Variants in RASA1 observed in about 807,000 individuals in gnomAD.
RASA1 encodes the protein RAS p21 protein activator 1.
In RASA1, 25 loss-of-function variants were observed where a neutral mutation model predicts 132.2. The observed-to-expected ratio is 0.19, with a 90% CI of 0.14 to 0.26. RASA1 has a LOEUF of 0.26. Ranked by LOEUF, RASA1 falls within the 10% of genes least tolerant of loss-of-function variation. The pLI is 1.00. For synonymous variants in RASA1, 477 were observed against 449.9 expected, an observed-to-expected ratio of 1.06 and a Z score of -0.76; for missense variants, 964 against 1,299.2, an observed-to-expected ratio of 0.74 and a Z score of 3.97.
chr5:87,338,501 T>TTATATATA (rs3069490), intron 5 of RASA1, among the ~76,000 whole-genome samples: 22 of 75,666 alleles, frequency 2.9e-4, no homozygotes, highest in African/African-American at 1.0e-3. Flanking sequence ...CCAGCTAATT[T>TTATATATA]TATATATATA....
intron 7 of RASA1, among the ~76,000 whole-genome samples, chr5:87,348,410 T>C (rs16902631): frequency 6.6e-6 from 1 of 151,968 alleles, no homozygotes; most frequent in African/African-American, 2.4e-5. Context: ...AGAGCATCTA[T>C]GTATTATGAG....
intron 9 of RASA1, among the ~76,000 whole-genome samples, chr5:87,361,029 TACAC>T (rs1458951230): frequency 2.6e-5 from 4 of 152,080 alleles, no homozygotes; most frequent in Admixed American, 2.0e-4. Context: ...CACACACACA[TACAC>T]ACACACCCAG....
rs554563870 is a variant in RASA1, at chr5:87,324,683, T to TAA, written c.540-6664_540-6663insAA. On this transcript the variant is annotated intron_variant, in intron 1 of 24. Coordinates refer to ENST00000274376, the MANE Select transcript of RASA1 (RefSeq NM_002890.3). The stretch of plus-strand genomic sequence containing the variant: ...CACACACATACATATGCACTCTAGT[T>TAA]ATCTGGTTATATACAAATATACCCA... 5.8e-3 allele frequency among the ~76,000 whole-genome samples: 889 copies of TAA among 152,308 alleles called. 7 individuals are homozygous for TAA. The highest frequency in any genetic ancestry group is 7.7e-3 in the South Asian group (37 of 4,834).
In RASA1 at chr5:87,325,204, C is replaced by G. The variant is rs145577516; in HGVS notation, c.540-6144C>G. ...AGCCCCTTATAAAACCATTAGATCT[C>G]GTGAGAACTCACTATCACAATAACA... is the stretch of plus-strand genomic sequence containing the variant. On this transcript the variant is annotated intron_variant, in intron 1 of 24. Coordinates refer to ENST00000274376, the MANE Select transcript of RASA1 (RefSeq NM_002890.3). Among the ~76,000 whole-genome samples the G allele has an allele frequency of 7.6e-3, 1,150 of 152,200 alleles. 18 individuals carry two copies. The highest frequency in any genetic ancestry group is 0.027 in the African/African-American group (1,112 of 41,538).
intron 13 of RASA1, 141 bp downstream of exon 13, chr5:87,372,336 G>C: frequency 1.4e-6 from 1 of 728,314 alleles, no homozygotes; most frequent in Admixed American, 2.3e-5. Context: ...GCAGGAAAAC[G>C]TTACTTCTTT....
chr5:87,287,457 CAT>C (rs1267813364), intron 1 of RASA1, among the ~76,000 whole-genome samples: 2 of 134,008 alleles, frequency 1.5e-5, no homozygotes, highest in Admixed American at 7.6e-5. Flanking sequence ...ATATATATAC[CAT>C]ATATATACAC....
chr5:87,269,733 A>G (rs1171207998), intron 1 of RASA1, among the ~76,000 whole-genome samples: 3 of 152,220 alleles, frequency 2.0e-5, no homozygotes, highest in African/African-American at 7.2e-5. Context: ...GGTGGCCAGT[A>G]TAGTATTCTA....
intron 2 of RASA1, 148 bp from the exon 3 acceptor site, chr5:87,332,359 A>C: frequency 1.3e-6 from 1 of 751,968 alleles, no homozygotes; most frequent in East Asian, 2.8e-5. Flanking sequence ...ACTGTGATGA[A>C]GATACTAATA....
intron 11 of RASA1, among the ~76,000 whole-genome samples, chr5:87,368,799 T>G (rs1054387206): frequency 1.3e-5 from 2 of 152,190 alleles, no homozygotes; most frequent in Non-Finnish European, 2.9e-5. Context: ...GGAAAAGATG[T>G]GGAGAATGTC....
intron 1 of RASA1, among the ~76,000 whole-genome samples, chr5:87,309,161 G>T (rs1755754436): frequency 6.6e-6 from 1 of 152,082 alleles, no homozygotes; most frequent in South Asian, 2.1e-4. Context: ...GACATTTTTA[G>T]AACCTGTCTT....
chr5:87,285,618 C>CTTTTTTTTTTT (rs548410947), intron 1 of RASA1, among the ~76,000 whole-genome samples: 1 of 126,072 alleles, frequency 7.9e-6, no homozygotes, highest in Non-Finnish European at 1.7e-5. Flanking sequence ...TTTTCTTTTT[C>CTTTTTTTTTTT]TTTTTTTTTT....
In RASA1 at chr5:87,391,498, C is replaced by CTCA. The variant is rs1762512520; in HGVS notation, c.*619_*621dup. 1 of 237,960 alleles carries CTCA rather than the reference C, an allele frequency of 4.2e-6. No homozygotes were observed. Among genetic ancestry groups the CTCA allele is most frequent in the Non-Finnish European group, 8.3e-6 (1 of 120,348 alleles). The allele number at this position is 237,960 out of a possible 1,614,324, so 14.7% of individuals were successfully genotyped here. On this transcript the variant is annotated 3_prime_UTR_variant, in exon 25 of 25. Transcript: ENST00000274376. Reference sequence around the variant, plus strand: ...AGAAAATATATAGAATGATCTATTGCTCATCAGCTTTATTTTTTAAACATA... The same window carrying CTCA: ...AGAAAATATATAGAATGATCTATTGCTCATCATCAGCTTTATTTTTTAAACATA...
intron 4 of RASA1, among the ~76,000 whole-genome samples, chr5:87,335,431 T>G (rs894902379): frequency 4.2e-5 from 6 of 143,832 alleles, no homozygotes; most frequent in Admixed American, 6.9e-5. Context: ...TTTTTTTTTT[T>G]TTTTTTTTTT....
intron 1 of RASA1, among the ~76,000 whole-genome samples, chr5:87,299,445 T>A (rs1242743324): frequency 6.6e-6 from 1 of 152,214 alleles, no homozygotes. Flanking sequence ...CCATTTCTAA[T>A]TCACAGTGAT....
At chr5:87,277,115 TATAGTG>T (rs1754098862) in intron 1 of RASA1, among the ~76,000 whole-genome samples, 1 of 152,200 alleles carries the variant, frequency 6.6e-6, no homozygotes, top group African/African-American at 2.4e-5. Flanking sequence ...CTTACAATGA[TATAGTG>T]AGAATGGGCA....
At chr5:87,273,411 A>C (rs1753933041) in intron 1 of RASA1, among the ~76,000 whole-genome samples, 1 of 152,150 alleles carries the variant, frequency 6.6e-6, no homozygotes. Flanking sequence ...GAGAGAGAAA[A>C]GGTTAAATTA....
At chr5:87,387,651 CTT>C (rs1229008594) in intron 23 of RASA1, among the ~76,000 whole-genome samples, 10 of 152,110 alleles carry the variant, frequency 6.6e-5, no homozygotes, top group African/African-American at 2.4e-4. Context: ...CATGTTCTGT[CTT>C]AATGTATTCA....
Position 87,338,534 on chromosome 5 carries a change from A to ATATAT in RASA1, c.1017+443_1017+444insTATAT, listed in dbSNP as rs1561292504. 9.5e-4 allele frequency among the ~76,000 whole-genome samples: 44 copies of ATATAT among 46,100 alleles called. 2 individuals carry two copies. Among genetic ancestry groups the ATATAT allele is most frequent in the East Asian group, 3.1e-3 (4 of 1,290 alleles). The allele number at this position is 46,100 out of a possible 152,430, so 30.2% of individuals were successfully genotyped here. On this transcript the variant is annotated intron_variant, in intron 5 of 24. Transcript: ENST00000274376. ...ATATATATATATATATATATATATA[A>ATATAT]AATTTTTTTTTTTTTTAAGTAGAAA...
intron 1 of RASA1, among the ~76,000 whole-genome samples, chr5:87,279,860 G>C (rs1339805152): frequency 6.6e-6 from 1 of 152,152 alleles, no homozygotes; most frequent in Non-Finnish European, 1.5e-5. Context: ...CCCACAATAG[G>C]TCATCTGCAA....
Sources: gnomAD v4.1 joint callset for allele counts (sites outside exome capture counted in the v4.1 genomes callset) on GRCh38, gnomAD v4.1.1 for gene constraint, MANE v1.5 for transcripts, NCBI Gene and HGNC (gene_info 2026-07-23, HGNC 2026-07-21) for gene names.